Variants in FBN3 observed in about 807,000 individuals in gnomAD.
FBN3 encodes fibrillin-3.
In FBN3, 234 loss-of-function variants were observed where a neutral mutation model predicts 330.1. That is an observed-to-expected ratio of 0.71 (90% CI 0.64 to 0.79). The LOEUF is 0.79. Ranked by LOEUF, FBN3 falls within the 30% of genes least tolerant of loss-of-function variation. The pLI, the probability that FBN3 is intolerant of heterozygous loss-of-function variation, is 0.00. For missense variants in FBN3, 3,606 were observed against 3,886.9 expected, an observed-to-expected ratio of 0.93 and a Z score of 1.92; for synonymous variants, 1,458 against 1,517.3, an observed-to-expected ratio of 0.96 and a Z score of 0.91.
chr19:8,072,906 A>G (rs1473042115), intron 62 of FBN3, among the ~76,000 whole-genome samples, 157 bp downstream of exon 62: 1 of 148,442 alleles, frequency 6.7e-6, no homozygotes, highest in African/African-American at 2.6e-5. Flanking sequence ...ATGTGGGCAA[A>G]TGCCTGCATG....
intron 62 of FBN3, among the ~76,000 whole-genome samples, chr19:8,072,517 G>A (rs943664715): frequency 6.6e-6 from 1 of 152,102 alleles, no homozygotes; most frequent in Non-Finnish European, 1.5e-5. Flanking sequence ...TTCACATGGG[G>A]AATAACTCAT....
In FBN3 at chr19:8,133,045, G is replaced by A; in HGVS notation, c.1653C>T (p.Gly551=). Residue 551 remains glycine, a synonymous_variant, in exon 14 of 64, where the codon GGC becomes GGT. Coordinates refer to ENST00000600128, the MANE Select transcript of FBN3 (RefSeq NM_032447.5). The part of the protein sequence containing the change: ...CVNGVCLNED[G]SFSCLCKPGF... ...CGGGTTTGCAGAGGCAGGAGAAGCTGCCATCCTCGTTGAGACACACGCCGT... is the reference window on the plus strand; with the variant it reads ...CGGGTTTGCAGAGGCAGGAGAAGCTACCATCCTCGTTGAGACACACGCCGT... The A allele has an allele frequency of 6.3e-7, 1 of 1,585,892 alleles. No individual in the cohort carries two copies. Among genetic ancestry groups the A allele is most frequent in the Non-Finnish European group, 8.6e-7 (1 of 1,167,736 alleles).
intron 54 of FBN3, among the ~76,000 whole-genome samples, chr19:8,086,606 G>A (rs571462971): frequency 7.7e-5 from 11 of 143,672 alleles, no homozygotes; most frequent in Admixed American, 1.4e-4. Flanking sequence ...ACAGGTGCCC[G>A]CCGCCACGCC....
intron 25 of FBN3, among the ~76,000 whole-genome samples, chr19:8,120,648 A>T (rs983125055): frequency 3.3e-5 from 5 of 151,044 alleles, no homozygotes; most frequent in Middle Eastern, 3.6e-3. Flanking sequence ...GCTAATTTTT[A>T]AAAAACTTTA....
chr19:8,144,824 C>T (rs2083494135), intron 6 of FBN3, 53 bp downstream of exon 6: 14 of 1,433,496 alleles, frequency 9.8e-6, no homozygotes, highest in Non-Finnish European at 1.3e-5. Flanking sequence ...CCAGGAAACC[C>T]CCTTTCCTCC....
intron 8 of FBN3, 75 bp downstream of exon 8, chr19:8,141,642 C>T (rs2083417324): frequency 6.6e-7 from 1 of 1,522,820 alleles, no homozygotes; most frequent in Non-Finnish European, 8.9e-7. Flanking sequence ...CCTCTGCCTT[C>T]CTGCAGGGGA....
chr19:8,120,662 T>C (rs960376000), intron 25 of FBN3, among the ~76,000 whole-genome samples: 1 of 150,378 alleles, frequency 6.6e-6, no homozygotes, highest in East Asian at 2.0e-4. Context: ...AACTTTATAG[T>C]GACAGGGTCT....
chr19:8,109,530 G>A lies in FBN3; in HGVS notation c.4456+101C>T, dbSNP rs2082529030. 2 of 1,539,020 alleles carry A rather than the reference G, an allele frequency of 1.3e-6. No homozygotes were observed. Among genetic ancestry groups the A allele is most frequent in the Non-Finnish European group, 1.8e-6 (2 of 1,131,404 alleles). The stretch of plus-strand genomic sequence containing the variant: ...GCAGATGTCCCGTTTGTCAGGAGCA[G>A]GTAGATTTGAACACGTTGACATCTG... On this transcript the variant is annotated intron_variant, in intron 35 of 63. Transcript: ENST00000600128. The surrounding 1 kb of genome is among the most constrained non-coding windows in gnomAD (Gnocchi z 5.2).
rs1599270402 is a variant in FBN3, at chr19:8,076,602, G to T, written c.7454-1191C>A. Among the ~76,000 whole-genome samples the T allele has an allele frequency of 5.9e-5, 9 of 152,262 alleles. No individual in the cohort carries two copies. The South Asian group carries it at 1.9e-3, about 32-fold the overall frequency. ...TGCGATGAGCCAAGATTGTTCCACT[G>T]CACTCCAGTCTGGGTGACTGACAGA... On this transcript the variant is annotated intron_variant, in intron 59 of 63. Coordinates refer to ENST00000600128, the MANE Select transcript of FBN3 (RefSeq NM_032447.5).
chr19:8,134,250 T>TAAATAAATA (rs1159784586), intron 13 of FBN3, among the ~76,000 whole-genome samples: 4 of 25,608 alleles, frequency 1.6e-4, no homozygotes, highest in Non-Finnish European at 7.2e-5. Flanking sequence ...TCAAAATAAA[T>TAAATAAATA]AAATAAATAA....
intron 37 of FBN3, 66 bp downstream of exon 37, chr19:8,108,104 G>A: frequency 7.0e-7 from 1 of 1,420,440 alleles, no homozygotes; most frequent in Non-Finnish European, 9.9e-7. Context: ...ACTTTGGTGA[G>A]GTGGGGATGA....
Position 8,086,378 on chromosome 19 carries a change from T to C in FBN3, c.6755-53A>G, listed in dbSNP as rs986617587. ...GCGGGGAGGCCACAGGCAGCCAGCC[T>C]CTCCCACAGCCCCAAAGGGCCCCTT... On this transcript the variant is annotated intron_variant, in intron 54 of 63. Coordinates refer to ENST00000600128, the MANE Select transcript of FBN3 (RefSeq NM_032447.5). The C allele has an allele frequency of 6.0e-6, 9 of 1,495,734 alleles. No individual in the cohort carries two copies. In the Admixed American group the frequency reaches 1.1e-4, roughly 18 times the overall value. 92.7% of individuals were successfully genotyped at this position (1,495,734 alleles called of 1,614,324 possible). A position where few individuals can be genotyped will look rare whatever the true frequency, so the allele number is the denominator to read the frequency against.
chr19:8,113,151 T>C (rs2082628200), intron 30 of FBN3, among the ~76,000 whole-genome samples: 1 of 152,226 alleles, frequency 6.6e-6, no homozygotes, highest in Admixed American at 6.5e-5. Flanking sequence ...TGTAGCCAGA[T>C]GCAATGGCTT....
At chr19:8,081,142 G>T in intron 58 of FBN3, 23 bp from the exon 59 acceptor site, 1 of 1,601,130 alleles carries the variant, frequency 6.2e-7, no homozygotes, top group South Asian at 1.1e-5. Flanking sequence ...TGGTCCAGCA[G>T]GCTCAGGGCA....
intron 30 of FBN3, 72 bp from the exon 31 acceptor site, chr19:8,112,171 G>C: frequency 1.3e-6 from 2 of 1,515,222 alleles, no homozygotes; most frequent in Non-Finnish European, 1.8e-6. Context: ...GCAGCGGAAA[G>C]GGCAGGGACT....
Position 8,095,498 on chromosome 19 carries a change from C to CA in FBN3, c.5661dup (p.Asp1888Ter). 1 of 1,613,238 alleles carries CA rather than the reference C, an allele frequency of 6.2e-7. No homozygotes were observed. Among genetic ancestry groups the CA allele is most frequent in the Non-Finnish European group, 8.5e-7 (1 of 1,179,496 alleles). ...TGCCCCACCAGGGTAGTACACTCAT[C>CA]AAAATCTGTAGAGGGGAGATGGGCA... On this transcript the variant is annotated frameshift_variant, in exon 46 of 64. Coordinates refer to ENST00000600128, the MANE Select transcript of FBN3 (RefSeq NM_032447.5). LOFTEE classifies it high-confidence loss of function.
Position 8,109,299 on chromosome 19 carries a change from G to A in FBN3, c.4546C>T (p.Arg1516Ter), listed in dbSNP as rs371888051. 1.8e-5 allele frequency: 29 copies of A among 1,614,062 alleles called. No individual in the cohort carries two copies. The highest frequency in any genetic ancestry group is 9.3e-5 in the African/African-American group (7 of 74,918). The change falls in exon 36 of 64, where the codon CGA (arginine) becomes TGA (stop). Residue 1516 changes from arginine to a stop codon, truncating the protein, a stop_gained. Coordinates refer to ENST00000600128, the MANE Select transcript of FBN3 (RefSeq NM_032447.5). LOFTEE classifies it high-confidence loss of function. The surrounding 1 kb of genome is among the most constrained non-coding windows in gnomAD (Gnocchi z 5.2). ...CCCAGGGAGCAACAGCAGGAAGCTC[G>A]GGTGACACCAACTCCGATCTCGGCA... is the stretch of plus-strand genomic sequence containing the variant. Reference protein sequence around the residue: ...CSAEIGVGVTRASCCCSLGRA... With the variant: ...CSAEIGVGVT
At chr19:8,118,569 C>T (rs2144877644) in intron 26 of FBN3, among the ~76,000 whole-genome samples, 1 of 149,596 alleles carries the variant, frequency 6.7e-6, no homozygotes, top group Non-Finnish European at 1.5e-5. Context: ...CACACAGACG[C>T]ACACACACAC....
At position 8,099,523 on chromosome 19, in the gene FBN3, G is replaced by A. The variant is rs1043002818; in HGVS notation, c.5161+1378C>T. On this transcript the variant is annotated intron_variant, in intron 41 of 63. Coordinates refer to ENST00000600128, the MANE Select transcript of FBN3 (RefSeq NM_032447.5). ...TCTCGATCTCCTGACCTCGTGATCCGCCTGCCTCGGCCTCCCAAAGTGCTG... is the reference window on the plus strand; with the variant it reads ...TCTCGATCTCCTGACCTCGTGATCCACCTGCCTCGGCCTCCCAAAGTGCTG... Among the ~76,000 whole-genome samples, 7 of 151,104 alleles carry A rather than the reference G, an allele frequency of 4.6e-5. No individual in the cohort carries two copies. The South Asian group carries it at 6.3e-4, about 14-fold the overall frequency.
Sources: allele counts gnomAD v4.1 joint callset (sites outside exome capture counted in the v4.1 genomes callset), GRCh38; gene constraint gnomAD v4.1.1; non-coding constraint Gnocchi (gnomAD v3.1); transcripts MANE v1.5; gene names NCBI Gene and HGNC (gene_info 2026-07-23, HGNC 2026-07-21).